Variants in TSHZ2 observed in about 807,000 individuals in gnomAD.
The protein encoded by TSHZ2 is teashirt zinc finger homeobox 2, also known as teashirt homolog 2.
TSHZ2 carries 21 observed loss-of-function variants against 74.4 expected under a neutral mutation model. The ratio of observed to expected loss-of-function variants is 0.28; its 90% CI spans 0.20 to 0.41. The LOEUF (loss-of-function observed/expected upper bound fraction) is 0.41, where lower values mean the gene tolerates loss of function less well. Ranked by LOEUF, TSHZ2 falls within the 10% of genes least tolerant of loss-of-function variation. The pLI is 1.00. For missense variants in TSHZ2, 1,244 were observed against 1,293.5 expected (o/e 0.96, Z 0.59); for synonymous variants, 540 against 515.3 (o/e 1.05, Z -0.65).
At chr20:53,095,769 C>T (rs1986021023) in intron 1 of TSHZ2, among the ~76,000 whole-genome samples, 1 of 152,138 alleles carries the variant, frequency 6.6e-6, no homozygotes, top group Non-Finnish European at 1.5e-5. Context: ...TTCTTACCCC[C>T]CACCCCAGTT....
At chr20:53,211,841 G>A (rs547832668) in intron 1 of TSHZ2, among the ~76,000 whole-genome samples, 1 of 152,268 alleles carries the variant, frequency 6.6e-6, no homozygotes, top group African/African-American at 2.4e-5. Flanking sequence ...CACCCCAGAA[G>A]TGAACATTGT....
intron 2 of TSHZ2, among the ~76,000 whole-genome samples, chr20:53,268,326 T>C (rs1421770078): frequency 2.6e-4 from 40 of 152,030 alleles, no homozygotes; most frequent in Non-Finnish European, 5.9e-5. Context: ...AGTTAAGGAA[T>C]GGGGGTGGAT....
chr20:53,323,282 G>A (rs111327717), intron 2 of TSHZ2, among the ~76,000 whole-genome samples: 8 of 152,302 alleles, frequency 5.3e-5, no homozygotes, highest in African/African-American at 1.4e-4. Flanking sequence ...AAAACAGACA[G>A]TACTCCGGGT....
chr20:53,235,415 C>A (rs1487880565), intron 1 of TSHZ2, among the ~76,000 whole-genome samples: 1 of 152,066 alleles, frequency 6.6e-6, no homozygotes, highest in Non-Finnish European at 1.5e-5. Flanking sequence ...TGTGATCCAC[C>A]CACCTCAGCC....
chr20:53,254,687 G>T lies in TSHZ2; in HGVS notation c.1229G>T (p.Ser410Ile). 6.2e-7 allele frequency: 1 copy of T among 1,614,188 alleles called. No homozygotes were observed. The highest frequency in any genetic ancestry group is 1.3e-5 in the African/African-American group (1 of 75,046). Reference sequence around the variant, plus strand: ...ACAGGTCACTTTCTCAAGGTCACCAGCTCTGCCTCCAAGAAAGGGAAGCAG... The same window carrying T: ...ACAGGTCACTTTCTCAAGGTCACCATCTCTGCCTCCAAGAAAGGGAAGCAG... ...MVTGHFLKVT[S>I]SASKKGKQLV... The change falls in exon 2 of 3, where the codon AGC becomes ATC. Residue 410 changes from serine to isoleucine, a missense_variant. Transcript: ENST00000371497.
At chr20:53,030,853 C>T (rs1026117070) in intron 1 of TSHZ2, among the ~76,000 whole-genome samples, 3 of 152,056 alleles carry the variant, frequency 2.0e-5, no homozygotes, top group Non-Finnish European at 2.9e-5. Context: ...GTTTTACAAT[C>T]TTTTTTTTCC....
At chr20:53,341,548 C>T (rs964037851) in intron 2 of TSHZ2, among the ~76,000 whole-genome samples, 1 of 151,806 alleles carries the variant, frequency 6.6e-6, no homozygotes. Context: ...TAGTCTCGAA[C>T]TGCTGACCTC....
chr20:53,096,063 G>A lies in TSHZ2; in HGVS notation c.40+122730G>A, dbSNP rs536735726. On this transcript the variant is annotated intron_variant, in intron 1 of 2. Coordinates refer to ENST00000371497, the MANE Select transcript of TSHZ2 (RefSeq NM_173485.6). ...ATCAGCAGAAGCAATTGTAGTCTAG[G>A]GTTTAAGGATCCTAGGGTCAGGAAG... is the stretch of plus-strand genomic sequence containing the variant. 1.2e-4 allele frequency among the ~76,000 whole-genome samples: 19 copies of A among 152,230 alleles called. No homozygotes were observed. The South Asian group carries it at 1.7e-3, about 13-fold the overall frequency.
rs1023503584 is a variant in TSHZ2 at position 53,416,862 on chromosome 20, C to T, written c.*9-70282C>T. Among the ~76,000 whole-genome samples, 51 of 152,170 alleles carry T rather than the reference C, an allele frequency of 3.4e-4. 3 individuals carry two copies. Among genetic ancestry groups the T allele is most frequent in the Admixed American group, 6.5e-5 (1 of 15,272 alleles). ...ATCCCCAAATGTGAACCTCTTTTTT[C>T]CCAAGTCATTCATTCTCCCATTTGG... On this transcript the variant is annotated intron_variant, in intron 2 of 2. Transcript: ENST00000371497.
intron 1 of TSHZ2, among the ~76,000 whole-genome samples, chr20:53,050,128 C>CAT (rs1342607134): frequency 5.4e-5 from 4 of 74,134 alleles, no homozygotes; most frequent in Non-Finnish European, 6.4e-5. Flanking sequence ...TATATATACA[C>CAT]ATATATATAT....
chr20:53,487,061 A>AG (rs1362370635), intron 2 of TSHZ2, 83 bp from the exon 3 acceptor site: 2 of 152,694 alleles, frequency 1.3e-5, no homozygotes, highest in Non-Finnish European at 2.9e-5. Context: ...GAGGTGGGCA[A>AG]GGTGATCACC....
At chr20:52,981,305 T>C (rs1568702693) in intron 1 of TSHZ2, among the ~76,000 whole-genome samples, 1 of 152,212 alleles carries the variant, frequency 6.6e-6, no homozygotes, top group Non-Finnish European at 1.5e-5. Context: ...GGAGTCAGAC[T>C]GATTGAAGTT....
intron 2 of TSHZ2, among the ~76,000 whole-genome samples, chr20:53,472,716 C>T (rs1016403556): frequency 1.3e-5 from 2 of 151,680 alleles, no homozygotes; most frequent in African/African-American, 2.4e-5. Context: ...ACGCAGAAGA[C>T]GGTGATTTCT....
chr20:53,181,255 A>T (rs1476234067), intron 1 of TSHZ2, among the ~76,000 whole-genome samples: 1 of 152,090 alleles, frequency 6.6e-6, no homozygotes, highest in African/African-American at 2.4e-5. Flanking sequence ...TTTGTTCCTT[A>T]TCTGTTTCCC....
At chr20:53,271,203 A>G (rs568128294) in intron 2 of TSHZ2, among the ~76,000 whole-genome samples, 1 of 152,294 alleles carries the variant, frequency 6.6e-6, no homozygotes, top group Admixed American at 6.5e-5. Context: ...TCAGTGGGGA[A>G]AAACATGGGT....
intron 2 of TSHZ2, among the ~76,000 whole-genome samples, chr20:53,405,893 A>C (rs1187058262): frequency 6.6e-6 from 1 of 152,128 alleles, no homozygotes; most frequent in Non-Finnish European, 1.5e-5. Flanking sequence ...GCTACTCTGG[A>C]GGCTGAGGTG....
chr20:53,474,650 C>T (rs951783489), intron 2 of TSHZ2, among the ~76,000 whole-genome samples: 43 of 133,182 alleles, frequency 3.2e-4, no homozygotes, highest in Middle Eastern at 3.6e-3. Flanking sequence ...AAAATTCACA[C>T]ATAACAGTAT....
chr20:53,156,467 C>T (rs1019598241), intron 1 of TSHZ2, among the ~76,000 whole-genome samples: 2 of 152,150 alleles, frequency 1.3e-5, no homozygotes, highest in African/African-American at 4.8e-5. Flanking sequence ...AAGGAGAGCA[C>T]TTTTGTATGC....
intron 2 of TSHZ2, among the ~76,000 whole-genome samples, chr20:53,462,535 A>T (rs1161456640): frequency 6.6e-6 from 1 of 152,218 alleles, no homozygotes; most frequent in African/African-American, 2.4e-5. Flanking sequence ...TGGCTTCAGA[A>T]GGAGCAGCTT....
Sources: allele counts gnomAD v4.1 joint callset (sites outside exome capture counted in the v4.1 genomes callset), GRCh38; gene constraint gnomAD v4.1.1; transcripts MANE v1.5; gene names NCBI Gene and HGNC (gene_info 2026-07-23, HGNC 2026-07-21).